The following APOO variants were observed in gnomAD, a reference collection of about 807,000 sequenced individuals.
APOO encodes the protein MICOS complex subunit MIC26.
In APOO, 11 loss-of-function variants were observed where a neutral mutation model predicts 23.1. That is an observed-to-expected ratio of 0.48 (90% CI 0.30 to 0.79). The LOEUF (loss-of-function observed/expected upper bound fraction) is 0.79, where lower values mean the gene tolerates loss of function less well. Ranked by LOEUF, APOO falls within the 30% of genes least tolerant of loss-of-function variation. APOO has a pLI of 0.07. For synonymous variants in APOO, 59 were observed against 54.8 expected, an observed-to-expected ratio of 1.08 and a Z score of -0.34; for missense variants, 160 against 142.7, an observed-to-expected ratio of 1.12 and a Z score of -0.62.
chrX:23,886,259 T>C lies in APOO; in HGVS notation c.10-5307A>G, dbSNP rs1926362888. On this transcript the variant is annotated intron_variant, in intron 1 of 8. Coordinates refer to ENST00000379226, the MANE Select transcript of APOO (RefSeq NM_024122.5). Reference sequence around the variant, plus strand: ...GAAAATCTGTATGTTTTAAAACCCATGGCCTCAAACATAGTGAGAAACCAG... The same window carrying C: ...GAAAATCTGTATGTTTTAAAACCCACGGCCTCAAACATAGTGAGAAACCAG... Among the ~76,000 whole-genome samples, 3 of 111,373 alleles carry C rather than the reference T, an allele frequency of 2.7e-5. No homozygotes were observed. The Admixed American group carries it at 2.9e-4, about 11-fold the overall frequency.
chrX:23,868,877 T>A lies in APOO; in HGVS notation c.293-189A>T, dbSNP rs771243645. Among the ~76,000 whole-genome samples the A allele has an allele frequency of 5.2e-4, 58 of 111,059 alleles. 1 individual carries two copies. Among genetic ancestry groups the A allele is most frequent in the Non-Finnish European group, 9.4e-4 (50 of 52,964 alleles). On this transcript the variant is annotated intron_variant, in intron 4 of 8. Transcript: ENST00000379226. ...TGTGACATATAAACAAGATTTACTA[T>A]TCACATAGCAAGTGTCCAATTTTCT...
chrX:23,892,800 G>A (rs746459722), intron 1 of APOO, among the ~76,000 whole-genome samples: 64 of 106,376 alleles, frequency 6.0e-4, no homozygotes, highest in African/African-American at 1.9e-3. Context: ...GATTACAAGC[G>A]TGAGCCACCG....
At chrX:23,859,027 T>A (rs1924902398) in intron 5 of APOO, among the ~76,000 whole-genome samples, 1 of 110,977 alleles carries the variant, frequency 9.0e-6, no homozygotes, top group Non-Finnish European at 1.9e-5. Flanking sequence ...GATTCCTTGA[T>A]CCCAGGAGTT....
intron 7 of APOO, among the ~76,000 whole-genome samples, chrX:23,847,529 G>A (rs1924302380): frequency 9.1e-6 from 1 of 110,359 alleles, no homozygotes; most frequent in Non-Finnish European, 1.9e-5. Context: ...GGGAGGCTGA[G>A]GCAGGAGAAT....
At chrX:23,865,416 C>T (rs1353870907) in intron 5 of APOO, among the ~76,000 whole-genome samples, 1 of 110,287 alleles carries the variant, frequency 9.1e-6, no homozygotes, top group African/African-American at 3.3e-5. Flanking sequence ...CAAGCCTGGT[C>T]AACATGGTGA....
intron 1 of APOO, among the ~76,000 whole-genome samples, chrX:23,896,604 A>T: frequency 9.0e-6 from 1 of 111,674 alleles, no homozygotes; most frequent in Non-Finnish European, 1.9e-5. Flanking sequence ...AACAATAACA[A>T]TAAAACCCAC....
chrX:23,883,620 C>T (rs989874335), intron 1 of APOO: 2 of 112,022 alleles, frequency 1.8e-5, no homozygotes, highest in African/African-American at 6.5e-5. Flanking sequence ...GGCAAGAACC[C>T]TAGGATACAG....
intron 7 of APOO, among the ~76,000 whole-genome samples, chrX:23,846,210 C>G (rs951569704): frequency 9.4e-6 from 1 of 106,513 alleles, no homozygotes; most frequent in Non-Finnish European, 1.9e-5. Flanking sequence ...ACTTGGGAGG[C>G]TGAGGCGGAA....
At chrX:23,852,530 C>T (rs1473252424) in intron 7 of APOO, among the ~76,000 whole-genome samples, 4 of 109,466 alleles carry the variant, frequency 3.7e-5, no homozygotes, top group African/African-American at 1.3e-4. Flanking sequence ...AGGAGAATCG[C>T]TTGAACCCGG....
At chrX:23,879,823 T>A (rs111768861) in intron 2 of APOO, among the ~76,000 whole-genome samples, 1 of 111,899 alleles carries the variant, frequency 8.9e-6, no homozygotes, top group Non-Finnish European at 1.9e-5. Flanking sequence ...TTACAGCCAC[T>A]GCTGGCTGCC....
chrX:23,884,906 C>T (rs1926302152), intron 1 of APOO, among the ~76,000 whole-genome samples: 1 of 111,158 alleles, frequency 9.0e-6, no homozygotes, highest in Non-Finnish European at 1.9e-5. Context: ...TGGACATGTT[C>T]CAGAGACCGA....
At chrX:23,882,076 T>C (rs191586840) in intron 1 of APOO, among the ~76,000 whole-genome samples, 243 of 110,999 alleles carry the variant, frequency 2.2e-3, no homozygotes, top group African/African-American at 7.7e-3. Flanking sequence ...ATAATTGTGA[T>C]GGGCACAAAC....
intron 4 of APOO, among the ~76,000 whole-genome samples, chrX:23,874,158 C>T (rs1028432566): frequency 9.0e-6 from 1 of 111,354 alleles, no homozygotes; most frequent in African/African-American, 3.3e-5. Flanking sequence ...AGCAGTGTAT[C>T]TGTACTTGCT....
intron 8 of APOO, among the ~76,000 whole-genome samples, chrX:23,835,648 G>A: frequency 9.0e-6 from 1 of 110,844 alleles, no homozygotes; most frequent in Non-Finnish European, 1.9e-5. Flanking sequence ...GTACTGACAG[G>A]GAAATACTTA....
intron 7 of APOO, among the ~76,000 whole-genome samples, chrX:23,856,027 T>C (rs1332607814): frequency 8.9e-6 from 1 of 111,876 alleles, no homozygotes; most frequent in Non-Finnish European, 1.9e-5. Flanking sequence ...TAGAGGAAAC[T>C]AGGAATACAA....
intron 5 of APOO, among the ~76,000 whole-genome samples, chrX:23,862,392 A>C (rs764079546): frequency 8.9e-6 from 1 of 111,921 alleles, no homozygotes; most frequent in East Asian, 2.8e-4. Context: ...TAATCAAGAA[A>C]ATATAAGAGA....
intron 7 of APOO, among the ~76,000 whole-genome samples, chrX:23,853,136 T>C (rs1379281680): frequency 9.0e-6 from 1 of 110,838 alleles, no homozygotes; most frequent in Non-Finnish European, 1.9e-5. Context: ...TGTGCGCCTG[T>C]AGTCCCAGCT....
At chrX:23,874,281 C>G in intron 4 of APOO, 122 bp downstream of exon 4, 1 of 665,867 alleles carries the variant, frequency 1.5e-6, no homozygotes. Flanking sequence ...CCACATAGCT[C>G]TAAAATTCTG....
chrX:23,900,669 C>T (rs1426151647), intron 1 of APOO, among the ~76,000 whole-genome samples: 1 of 88,928 alleles, frequency 1.1e-5, no homozygotes, highest in African/African-American at 4.3e-5. Context: ...GGCAAGACTC[C>T]GGCTCAAAAA....
Sources: gnomAD v4.1 joint callset for allele counts (sites outside exome capture counted in the v4.1 genomes callset) on GRCh38, gnomAD v4.1.1 for gene constraint, MANE v1.5 for transcripts, NCBI Gene and HGNC (gene_info 2026-07-23, HGNC 2026-07-21) for gene names.